Variants in POU2F3 observed in about 807,000 individuals in gnomAD.
POU2F3 encodes the protein POU class 2 homeobox 3, also known as POU domain, class 2, transcription factor 3.
POU2F3 carries 23 observed loss-of-function variants against 59.2 expected under a neutral mutation model. The ratio of observed to expected loss-of-function variants is 0.39; its 90% CI spans 0.28 to 0.55. The LOEUF is 0.55. Ranked by LOEUF, POU2F3 falls within the 20% of genes least tolerant of loss-of-function variation. The pLI is 0.66. For synonymous variants in POU2F3, 190 were observed against 214.6 expected (o/e 0.89, Z 1.00); for missense variants, 473 against 544.5 (o/e 0.87, Z 1.31).
At position 120,317,380 on chromosome 11, in the gene POU2F3, C is replaced by A; in HGVS notation, c.1271+16C>A. The A allele has an allele frequency of 6.2e-7, 1 of 1,613,822 alleles. No homozygotes were observed. ...ACTCTTCAGGGTAAGGTGAAGGGGA[C>A]GGTGCAGAGACATCCCAGCAGGGCC... On this transcript the variant is annotated intron_variant, in intron 12 of 12. Coordinates refer to ENST00000543440, the MANE Select transcript of POU2F3 (RefSeq NM_014352.4).
At chr11:120,262,904 G>T (rs937235747) in intron 2 of POU2F3, among the ~76,000 whole-genome samples, 1 of 151,102 alleles carries the variant, frequency 6.6e-6, no homozygotes, top group African/African-American at 2.4e-5. Flanking sequence ...TTTCTATCGT[G>T]GTAAAAAATG....
At chr11:120,283,771 T>TCG (rs1555075895) in intron 3 of POU2F3, among the ~76,000 whole-genome samples, 2 of 98,066 alleles carry the variant, frequency 2.0e-5, no homozygotes, top group Admixed American at 1.1e-4. Flanking sequence ...TTAATAGGCT[T>TCG]CGTGTGTGTG....
chr11:120,254,074 T>A (rs1223811456), intron 2 of POU2F3: 1 of 152,098 alleles, frequency 6.6e-6, no homozygotes, highest in Non-Finnish European at 1.5e-5. Context: ...AATTGCAGAC[T>A]CCCCCAGCCC....
chr11:120,240,266 C>T lies in POU2F3; in HGVS notation c.-78C>T. The stretch of plus-strand genomic sequence containing the variant: ...GGCCGGGAACTGGAGGAAGGAGACC[C>T]TGGCTTCGCAGGGGCCCCGGCTGGG... On this transcript the variant is annotated 5_prime_UTR_variant, in exon 1 of 13. Coordinates refer to ENST00000543440, the MANE Select transcript of POU2F3 (RefSeq NM_014352.4). 1 of 1,268,764 alleles carries T rather than the reference C, an allele frequency of 7.9e-7. No homozygotes were observed. Among genetic ancestry groups the T allele is most frequent in the Non-Finnish European group, 1.0e-6 (1 of 999,826 alleles). 78.6% of individuals were successfully genotyped at this position (1,268,764 alleles called of 1,614,324 possible).
intron 3 of POU2F3, among the ~76,000 whole-genome samples, chr11:120,295,580 T>C (rs1941171473): frequency 6.6e-6 from 1 of 152,258 alleles, no homozygotes; most frequent in Non-Finnish European, 1.5e-5. Context: ...CATTTTGAAA[T>C]AAGTAGTTTA....
At chr11:120,282,743 T>C (rs1295814828) in intron 3 of POU2F3, among the ~76,000 whole-genome samples, 2 of 152,230 alleles carry the variant, frequency 1.3e-5, no homozygotes, top group Non-Finnish European at 2.9e-5. Flanking sequence ...GAGCCAAATA[T>C]CATCTATAGG....
In POU2F3 at chr11:120,285,969, G is replaced by A. The variant is rs562078756; in HGVS notation, c.133-12296G>A. 5.3e-5 allele frequency among the ~76,000 whole-genome samples: 8 copies of A among 151,962 alleles called. No individual in the cohort carries two copies. The South Asian group carries it at 1.5e-3, about 28-fold the overall frequency. On this transcript the variant is annotated intron_variant, in intron 3 of 12. Coordinates refer to ENST00000543440, the MANE Select transcript of POU2F3 (RefSeq NM_014352.4). This position sits in a 1 kb window ranked among gnomAD's most constrained non-coding sequence, Gnocchi z 4.3. ...GCTATCTCGGCTCACTGCAACCTCC[G>A]CCCCCAGGGTTCAAACAATTCTCGT...
chr11:120,315,497 G>A (rs1941761498), intron 11 of POU2F3, 70 bp downstream of exon 11: 1 of 1,428,882 alleles, frequency 7.0e-7, no homozygotes, highest in Admixed American at 1.7e-5. Context: ...AGAACTGAAA[G>A]GTATCTACCT....
At chr11:120,318,252 C>A in intron 12 of POU2F3, 101 bp from the exon 13 acceptor site, 2 of 1,118,488 alleles carry the variant, frequency 1.8e-6, no homozygotes, top group Non-Finnish European at 2.7e-6. Flanking sequence ...TTTTATTACT[C>A]CTACCTGCAA....
At chr11:120,301,747 A>G (rs1214330991) in intron 5 of POU2F3, 1 of 153,610 alleles carries the variant, frequency 6.5e-6, no homozygotes, top group Non-Finnish European at 1.4e-5. Context: ...TCTCCCAAGT[A>G]TAAAATGTCC....
chr11:120,266,317 A>G (rs578226274), intron 2 of POU2F3, among the ~76,000 whole-genome samples: 1 of 151,986 alleles, frequency 6.6e-6, no homozygotes, highest in East Asian at 1.9e-4. Flanking sequence ...CACTGCATCC[A>G]CTGCCACCAT....
intron 4 of POU2F3, 59 bp from the exon 5 acceptor site, chr11:120,299,565 T>G: frequency 1.3e-6 from 2 of 1,497,400 alleles, no homozygotes; most frequent in East Asian, 2.3e-5. Context: ...GGCAGGCAGA[T>G]GGGGCTGATG....
At chr11:120,279,005 G>A (rs1940451086) in intron 3 of POU2F3, among the ~76,000 whole-genome samples, 1 of 152,178 alleles carries the variant, frequency 6.6e-6, no homozygotes, top group East Asian at 1.9e-4. Flanking sequence ...AACTCTGACT[G>A]TATGCCGGGC....
At chr11:120,238,726 C>T (rs1268528280), upstream of POU2F3, among the ~76,000 whole-genome samples, 1 of 148,864 alleles carries the variant, frequency 6.7e-6, no homozygotes, top group Admixed American at 6.8e-5. Context: ...CTCAGCCACT[C>T]AGGAGGCTGA....
chr11:120,242,760 C>T (rs1393347936), intron 1 of POU2F3, among the ~76,000 whole-genome samples: 1 of 152,188 alleles, frequency 6.6e-6, no homozygotes, highest in Non-Finnish European at 1.5e-5. Flanking sequence ...GGAGCCTTCG[C>T]ACCTTGTACT....
intron 1 of POU2F3, among the ~76,000 whole-genome samples, chr11:120,242,011 G>T (rs141283020): frequency 2.6e-5 from 4 of 152,124 alleles, no homozygotes; most frequent in South Asian, 2.1e-4. Context: ...CCCGACACAT[G>T]GGGGGAGACT....
intron 3 of POU2F3, among the ~76,000 whole-genome samples, chr11:120,290,408 G>A (rs7951628): frequency 0.43 from 65,010 of 152,066 alleles, 16,640 homozygotes; most frequent in East Asian, 0.86. Flanking sequence ...TAAAAGCAAT[G>A]TAGTACACAG....
At chr11:120,280,926 C>T (rs1299551665) in intron 3 of POU2F3, among the ~76,000 whole-genome samples, 3 of 152,160 alleles carry the variant, frequency 2.0e-5, no homozygotes, top group Middle Eastern at 3.4e-3. Context: ...TGGGCCTGTG[C>T]GTGAGAAGGG....
At chr11:120,272,193 G>A (rs1479715529) in intron 3 of POU2F3, among the ~76,000 whole-genome samples, 1 of 152,214 alleles carries the variant, frequency 6.6e-6, no homozygotes, top group Non-Finnish European at 1.5e-5. Flanking sequence ...TCATAAGTGA[G>A]AAAACTGCCT....
Sources: gnomAD v4.1 joint callset for allele counts (sites outside exome capture counted in the v4.1 genomes callset) on GRCh38, gnomAD v4.1.1 for gene constraint, Gnocchi (gnomAD v3.1) non-coding constraint, MANE v1.5 for transcripts, NCBI Gene and HGNC (gene_info 2026-07-23, HGNC 2026-07-21) for gene names.